Variants in MKLN1 observed in about 807,000 individuals in gnomAD.
MKLN1 encodes the protein muskelin 1.
A neutral mutation model predicts 99.0 loss-of-function variants in MKLN1; 18 were observed. The observed-to-expected ratio is 0.18, with a 90% CI of 0.13 to 0.27. The LOEUF is 0.27. Ranked by LOEUF, MKLN1 falls within the 10% of genes least tolerant of loss-of-function variation. MKLN1 has a pLI of 1.00. For missense variants in MKLN1, 621 were observed against 875.9 expected, an observed-to-expected ratio of 0.71 and a Z score of 3.67; for synonymous variants, 288 against 293.2, an observed-to-expected ratio of 0.98 and a Z score of 0.18.
intron 1 of MKLN1, among the ~76,000 whole-genome samples, chr7:131,332,047 A>G (rs189090984): frequency 4.4e-4 from 67 of 152,284 alleles, no homozygotes; most frequent in African/African-American, 9.6e-4. Context: ...TGATTGATTC[A>G]TGGTTCAGAG....
chr7:131,265,421 C>T (rs979937979), intron 3 of MKLN1, among the ~76,000 whole-genome samples: 13 of 152,148 alleles, frequency 8.5e-5, no homozygotes, highest in East Asian at 3.9e-4. Context: ...CTTGCTCCTT[C>T]GGCCTCTTTC....
chr7:131,196,146 C>T (rs1286382248), intron 2 of MKLN1, among the ~76,000 whole-genome samples: 1 of 152,126 alleles, frequency 6.6e-6, no homozygotes, highest in African/African-American at 2.4e-5. Flanking sequence ...CACTTAGCCT[C>T]TCCACATTCA....
At chr7:131,203,853 A>T (rs1462777815) in intron 3 of MKLN1, among the ~76,000 whole-genome samples, 1 of 152,038 alleles carries the variant, frequency 6.6e-6, no homozygotes, top group Non-Finnish European at 1.5e-5. Flanking sequence ...TTTGAACATG[A>T]TGCTTGGGTC....
chr7:131,387,006 A>G (rs1794049413), intron 2 of MKLN1, 114 bp from the exon 3 acceptor site: 2 of 924,952 alleles, frequency 2.2e-6, no homozygotes, highest in Non-Finnish European at 3.2e-6. Context: ...CTGCTAGTAC[A>G]GGATGGACAA....
At position 131,495,421 on chromosome 7, in the gene MKLN1, CT is replaced by C. The variant is rs1416067110; in HGVS notation, c.*7695del. 6.6e-6 allele frequency: 1 copy of C among 152,028 alleles called. No homozygotes were observed. The highest frequency in any genetic ancestry group is 2.4e-5 in the African/African-American group (1 of 41,408). The allele number at this position is 152,028 out of a possible 1,614,324, so 9.4% of individuals were successfully genotyped here. ...AGAATGTTAAATATCTTATATGGGA[CT>C]TACGATAAAATGTATTGATGTTAGT... On this transcript the variant is annotated 3_prime_UTR_variant, in exon 18 of 18. Transcript: ENST00000352689.
intron 1 of MKLN1, among the ~76,000 whole-genome samples, chr7:131,331,542 TGGGA>T (rs1471410008): frequency 6.6e-6 from 1 of 152,128 alleles, no homozygotes; most frequent in African/African-American, 2.4e-5. Flanking sequence ...CCCTGCACTT[TGGGA>T]GGCCAAGGCA....
intron 6 of MKLN1, among the ~76,000 whole-genome samples, chr7:131,408,011 C>A (rs1395009501): frequency 6.6e-6 from 1 of 151,952 alleles, no homozygotes; most frequent in Non-Finnish European, 1.5e-5. Context: ...GACAATGTGC[C>A]GTTTATTCTC....
intron 15 of MKLN1, among the ~76,000 whole-genome samples, chr7:131,469,983 C>T (rs1002932706): frequency 2.0e-5 from 3 of 151,864 alleles, no homozygotes; most frequent in African/African-American, 7.3e-5. Flanking sequence ...TCAAGCAGTC[C>T]TCCCACCTTA....
At chr7:131,201,696 C>T (rs1301540152) in intron 2 of MKLN1, among the ~76,000 whole-genome samples, 1 of 152,184 alleles carries the variant, frequency 6.6e-6, no homozygotes, top group African/African-American at 2.4e-5. Context: ...TTGATTCAGA[C>T]ACAACACTAA....
At chr7:131,204,899 A>G (rs968523736) in intron 3 of MKLN1, among the ~76,000 whole-genome samples, 1 of 149,280 alleles carries the variant, frequency 6.7e-6, no homozygotes, top group Admixed American at 6.9e-5. Context: ...ACGCCACTGC[A>G]CTCTAGCCTA....
At chr7:131,298,043 G>A (rs1798319782) in intron 3 of MKLN1, among the ~76,000 whole-genome samples, 1 of 152,184 alleles carries the variant, frequency 6.6e-6, no homozygotes, top group Admixed American at 6.5e-5. Flanking sequence ...CACCACTTTG[G>A]GAGGCTGAGG....
At chr7:131,457,065 G>T (rs908508450) in intron 12 of MKLN1, among the ~76,000 whole-genome samples, 3 of 152,240 alleles carry the variant, frequency 2.0e-5, no homozygotes, top group Admixed American at 6.5e-5. Context: ...ATAACCTGAG[G>T]TCGGGAGTTT....
At chr7:131,229,640 C>T (rs1797212031) in intron 3 of MKLN1, among the ~76,000 whole-genome samples, 1 of 152,152 alleles carries the variant, frequency 6.6e-6, no homozygotes, top group Admixed American at 6.6e-5. Flanking sequence ...ACTGCCTCCT[C>T]AACCTCCTGG....
At chr7:131,228,687 T>A (rs1483030340) in intron 3 of MKLN1, among the ~76,000 whole-genome samples, 1 of 152,240 alleles carries the variant, frequency 6.6e-6, no homozygotes, top group Non-Finnish European at 1.5e-5. Flanking sequence ...CCTTACCCTC[T>A]CTTGATGGGA....
intron 12 of MKLN1, among the ~76,000 whole-genome samples, chr7:131,446,465 C>T (rs1021341986): frequency 6.6e-6 from 1 of 152,208 alleles, no homozygotes; most frequent in Non-Finnish European, 1.5e-5. Flanking sequence ...ATAGTAGTTG[C>T]TTTGCCTGTG....
At chr7:131,461,160 A>C (rs1380283729) in intron 12 of MKLN1, among the ~76,000 whole-genome samples, 1 of 152,124 alleles carries the variant, frequency 6.6e-6, no homozygotes, top group Non-Finnish European at 1.5e-5. Context: ...ACCTGATACA[A>C]TGTAAATAGT....
intron 11 of MKLN1, 94 bp from the exon 12 acceptor site, chr7:131,445,680 A>T: frequency 1.0e-6 from 1 of 1,002,988 alleles, no homozygotes; most frequent in Non-Finnish European, 1.4e-6. Flanking sequence ...TTATAAAATT[A>T]CTTTTGTAGA....
At chr7:131,168,890 T>C (rs1796174974) in intron 2 of MKLN1, among the ~76,000 whole-genome samples, 1 of 147,840 alleles carries the variant, frequency 6.8e-6, no homozygotes, top group African/African-American at 2.5e-5. Flanking sequence ...TTTTTTGAGA[T>C]AGCATCTAGC....
intron 13 of MKLN1, among the ~76,000 whole-genome samples, chr7:131,463,772 C>T (rs1796584318): frequency 6.6e-6 from 1 of 152,172 alleles, no homozygotes; most frequent in African/African-American, 2.4e-5. Flanking sequence ...CATAGAGCAT[C>T]CCACAGAACT....
Sources: allele counts gnomAD v4.1 joint callset (sites outside exome capture counted in the v4.1 genomes callset), GRCh38; gene constraint gnomAD v4.1.1; transcripts MANE v1.5; gene names NCBI Gene and HGNC (gene_info 2026-07-23, HGNC 2026-07-21).